Variants in NUCB2 observed in about 807,000 individuals in gnomAD.
The protein encoded by NUCB2 is nucleobindin 2, also known as nucleobindin-2.
NUCB2 carries 48 observed loss-of-function variants against 57.9 expected under a neutral mutation model. That is an observed-to-expected ratio of 0.83 (90% CI 0.66 to 1.05). The LOEUF (loss-of-function observed/expected upper bound fraction) is 1.05, where lower values mean the gene tolerates loss of function less well. Among genes scored for constraint, NUCB2 ranks in the 50% least tolerant of loss-of-function variants. NUCB2 has a pLI of 0.00. For missense variants in NUCB2, 442 were observed against 476.2 expected, an observed-to-expected ratio of 0.93 and a Z score of 0.67; for synonymous variants, 139 against 152.1, an observed-to-expected ratio of 0.91 and a Z score of 0.64.
chr11:17,348,577 TGA>T (rs1006467835), intron 2 of NUCB2, among the ~76,000 whole-genome samples: 3 of 151,948 alleles, frequency 2.0e-5, no homozygotes, highest in Admixed American at 6.6e-5. Flanking sequence ...TGAGCTCAAG[TGA>T]TCCTCCTGTC....
intron 4 of NUCB2, among the ~76,000 whole-genome samples, chr11:17,298,666 A>G (rs556212556): frequency 1.8e-4 from 27 of 152,098 alleles, no homozygotes; most frequent in Admixed American, 7.9e-4. Flanking sequence ...TTCATAAAAA[A>G]CTGACAAAAA....
chr11:17,341,527 T>G (rs1225783972), intron 2 of NUCB2, among the ~76,000 whole-genome samples: 4 of 152,122 alleles, frequency 2.6e-5, no homozygotes, highest in South Asian at 2.1e-4. Flanking sequence ...TAGCATGAAG[T>G]GTTGTTGAAT....
At chr11:17,347,599 C>A (rs1005243816) in intron 2 of NUCB2, among the ~76,000 whole-genome samples, 1 of 152,146 alleles carries the variant, frequency 6.6e-6, no homozygotes, top group Non-Finnish European at 1.5e-5. Context: ...AACATTGTTA[C>A]AATACTATTA....
chr11:17,297,584 A>T, intron 4 of NUCB2, among the ~76,000 whole-genome samples: 1 of 152,214 alleles, frequency 6.6e-6, no homozygotes, highest in East Asian at 1.9e-4. Context: ...AATGTCTTGT[A>T]TCAGGAGTAA....
At chr11:17,288,960 TATA>T (rs1354233413) in intron 2 of NUCB2, among the ~76,000 whole-genome samples, 2,403 of 64,824 alleles carry the variant, frequency 0.037, 474 homozygotes, top group African/African-American at 0.061. Context: ...CATATATATA[TATA>T]TTTTTTTTTT....
Position 17,331,407 on chromosome 11 carries a change from A to G in NUCB2, c.1256-5A>G. 1 of 1,443,896 alleles carries G rather than the reference A, an allele frequency of 6.9e-7. No individual in the cohort carries two copies. Among genetic ancestry groups the G allele is most frequent in the Non-Finnish European group, 9.2e-7 (1 of 1,091,136 alleles). The allele number at this position is 1,443,896 out of a possible 1,614,324, so 89.4% of individuals were successfully genotyped here. On this transcript the variant is annotated splice_region_variant and splice_polypyrimidine_tract_variant and intron_variant, in intron 13 of 13. Coordinates refer to ENST00000529010, the MANE Select transcript of NUCB2 (RefSeq NM_005013.4). Reference sequence around the variant, plus strand: ...AAATAAGAACTTTTTTCTTTTTTCCAACAGACATTTAAAGTCTGAAGTCCA... The same window carrying G: ...AAATAAGAACTTTTTTCTTTTTTCCGACAGACATTTAAAGTCTGAAGTCCA...
chr11:17,280,034 C>G (rs1403394683), intron 1 of NUCB2, among the ~76,000 whole-genome samples: 2 of 152,152 alleles, frequency 1.3e-5, no homozygotes, highest in Non-Finnish European at 2.9e-5. Flanking sequence ...CTCAAGCGAT[C>G]TGCCTGTCTT....
chr11:17,320,046 A>C (rs890351106), intron 11 of NUCB2, among the ~76,000 whole-genome samples: 1 of 151,396 alleles, frequency 6.6e-6, no homozygotes, highest in Non-Finnish European at 1.5e-5. Flanking sequence ...AGCTTCATCC[A>C]TGCTCCTGCA....
intron 2 of NUCB2, among the ~76,000 whole-genome samples, chr11:17,348,528 T>TG (rs1236716199): frequency 6.6e-6 from 1 of 151,848 alleles, no homozygotes; most frequent in East Asian, 1.9e-4. Flanking sequence ...TTTGTGGAGA[T>TG]GGGGCCTCAC....
chr11:17,294,850 C>T (rs1303327354), intron 2 of NUCB2, among the ~76,000 whole-genome samples: 2 of 152,002 alleles, frequency 1.3e-5, no homozygotes, highest in African/African-American at 4.8e-5. Flanking sequence ...GAGTTCGAGA[C>T]CAGCCTGACC....
chr11:17,322,097 ATGTGATCTGATT>A (rs1451231876), intron 11 of NUCB2, among the ~76,000 whole-genome samples: 4 of 151,718 alleles, frequency 2.6e-5, no homozygotes, highest in Non-Finnish European at 5.9e-5. Context: ...TTTTTACTTG[ATGTGATCTGATT>A]TGTCTATTTT....
Position 17,287,913 on chromosome 11 carries a change from G to C in NUCB2, c.-1+4970G>C, listed in dbSNP as rs192525035. ...TACTTGGGAGGCTGAGGCAGGAATC[G>C]CTTGAACCCAGGAGGTGGAGGTTGC... On this transcript the variant is annotated intron_variant, in intron 2 of 13. Coordinates refer to ENST00000529010, the MANE Select transcript of NUCB2 (RefSeq NM_005013.4). Among the ~76,000 whole-genome samples, 638 of 152,158 alleles carry C rather than the reference G, an allele frequency of 4.2e-3. 6 individuals carry two copies. Among genetic ancestry groups the C allele is most frequent in the African/African-American group, 0.015 (612 of 41,528 alleles).
chr11:17,286,017 T>A (rs1943692199), intron 2 of NUCB2, among the ~76,000 whole-genome samples: 1 of 151,752 alleles, frequency 6.6e-6, no homozygotes, highest in South Asian at 2.1e-4. Flanking sequence ...AGCTAAGAAA[T>A]CTGCCTCTGT....
At chr11:17,342,885 G>A (rs1441235095) in intron 2 of NUCB2, among the ~76,000 whole-genome samples, 5 of 152,084 alleles carry the variant, frequency 3.3e-5, no homozygotes, top group South Asian at 2.1e-4. Context: ...TTTCTGTCTC[G>A]TTGATCTGTC....
chr11:17,335,236 A>G (rs1367314810), downstream of NUCB2, among the ~76,000 whole-genome samples: 2 of 151,852 alleles, frequency 1.3e-5, no homozygotes, highest in Non-Finnish European at 2.9e-5. Flanking sequence ...GATGACTACT[A>G]TCTGTGACAT....
intron 2 of NUCB2, among the ~76,000 whole-genome samples, chr11:17,293,574 A>G (rs1945311398): frequency 6.6e-6 from 1 of 152,228 alleles, no homozygotes. Flanking sequence ...AAAACCTGTT[A>G]ACAAAGTAAC....
chr11:17,338,267 T>TTA (rs970789858), intron 2 of NUCB2, among the ~76,000 whole-genome samples: 35 of 152,192 alleles, frequency 2.3e-4, no homozygotes, highest in African/African-American at 7.9e-4. Context: ...TTTCATGTTT[T>TTA]TATATATATA....
downstream of NUCB2, among the ~76,000 whole-genome samples, chr11:17,335,950 T>C (rs888950122): frequency 3.9e-5 from 6 of 152,266 alleles, no homozygotes; most frequent in Admixed American, 2.6e-4. Flanking sequence ...ATTTGAAGTT[T>C]TGTTTCACAT....
intron 11 of NUCB2, among the ~76,000 whole-genome samples, chr11:17,322,061 A>AT (rs942762760): frequency 2.6e-5 from 4 of 151,760 alleles, no homozygotes; most frequent in African/African-American, 9.7e-5. Context: ...CACTTTGTTG[A>AT]TTTTTTGCTT....
Sources: gnomAD v4.1 joint callset for allele counts (sites outside exome capture counted in the v4.1 genomes callset) on GRCh38, gnomAD v4.1.1 for gene constraint, MANE v1.5 for transcripts, NCBI Gene and HGNC (gene_info 2026-07-23, HGNC 2026-07-21) for gene names.